The following ANKRD55 variants were observed in gnomAD, a reference collection of about 807,000 sequenced individuals.
ANKRD55 encodes the protein ankyrin repeat domain 55.
Under a neutral mutation model 60.6 loss-of-function variants are expected in ANKRD55, and 41 were observed. The ratio of observed to expected loss-of-function variants is 0.68; its 90% confidence interval spans 0.53 to 0.88. The LOEUF (loss-of-function observed/expected upper bound fraction) is 0.88. Ranked by LOEUF, ANKRD55 falls within the 40% of genes least tolerant of loss-of-function variation. The probability of loss-of-function intolerance (pLI) is 0.00; values close to 1 mark genes in which losing one functional copy is unlikely to be tolerated. For synonymous variants in ANKRD55, 264 were observed against 290.3 expected, an observed-to-expected ratio of 0.91 and a Z score of 0.92; for missense variants, 732 against 767.6, an observed-to-expected ratio of 0.95 and a Z score of 0.55.
At chr5:56,231,891 G>A (rs1414580580) in intron 2 of ANKRD55, among the ~76,000 whole-genome samples, 1 of 151,832 alleles carries the variant, frequency 6.6e-6, no homozygotes, top group Non-Finnish European at 1.5e-5. Flanking sequence ...GCAGGAAAAG[G>A]GAAAAAAGAA....
At position 56,193,255 on chromosome 5, in the gene ANKRD55, C is replaced by T. The variant is rs1581013052; in HGVS notation, c.59-9621G>A. Reference sequence around the variant, plus strand: ...AAAACAGACAAGTGTCACATAGTTCCTCCACTGAAGACTTAGCACTGGGGA... The same window carrying T: ...AAAACAGACAAGTGTCACATAGTTCTTCCACTGAAGACTTAGCACTGGGGA... On this transcript the variant is annotated intron_variant, in intron 2 of 11. Transcript: ENST00000341048. The T allele has an allele frequency of 3.4e-5, 37 of 1,080,244 alleles. No individual in the cohort carries two copies. In the East Asian group the frequency reaches 9.7e-4, roughly 28 times the overall value. 66.9% of individuals were successfully genotyped at this position (1,080,244 alleles called of 1,614,324 possible). A position where few individuals can be genotyped will look rare whatever the true frequency, so the allele number is the denominator to read the frequency against.
At chr5:56,171,770 A>G (rs1399643434) in intron 4 of ANKRD55, among the ~76,000 whole-genome samples, 1 of 152,216 alleles carries the variant, frequency 6.6e-6, no homozygotes, top group Non-Finnish European at 1.5e-5. Flanking sequence ...AAAATTATCC[A>G]GTAAAATGAG....
intron 8 of ANKRD55, among the ~76,000 whole-genome samples, chr5:56,121,523 C>T (rs13162507): frequency 6.6e-6 from 1 of 151,652 alleles, no homozygotes; most frequent in Non-Finnish European, 1.5e-5. Flanking sequence ...CAGGCGCCCG[C>T]CACCACACCC....
At chr5:56,131,052 A>C (rs1443644611) in intron 7 of ANKRD55, among the ~76,000 whole-genome samples, 1 of 152,240 alleles carries the variant, frequency 6.6e-6, no homozygotes, top group Non-Finnish European at 1.5e-5. Context: ...GAGAAAAAGG[A>C]ACAGGATAAA....
intron 2 of ANKRD55, among the ~76,000 whole-genome samples, chr5:56,229,462 T>C (rs376031510): frequency 2.7e-4 from 41 of 152,282 alleles, no homozygotes; most frequent in African/African-American, 8.7e-4. Flanking sequence ...GATCTGATCG[T>C]TGGGCCTTCC....
In ANKRD55 at chr5:56,170,554, C is replaced by T. The variant is rs1580998720; in HGVS notation, c.422+140G>A. 6 of 621,262 alleles carry T rather than the reference C, an allele frequency of 9.7e-6. No homozygotes were observed. The East Asian group carries it at 1.1e-4, about 11-fold the overall frequency. The allele number at this position is 621,262 out of a possible 1,614,324, so 38.5% of individuals were successfully genotyped here. A position where few individuals can be genotyped will look rare whatever the true frequency, so the allele number is the denominator to read the frequency against. On this transcript the variant is annotated intron_variant, in intron 5 of 11. Transcript: ENST00000341048. ...TATTCTAGAATATTTTGTTGTGGTC[C>T]TATCTGCTGCAACTTCAAAAAAAAA...
At chr5:56,213,896 T>C (rs543378673) in intron 2 of ANKRD55, among the ~76,000 whole-genome samples, 2 of 152,356 alleles carry the variant, frequency 1.3e-5, no homozygotes, top group South Asian at 4.1e-4. Flanking sequence ...TATTAGTCTG[T>C]TCTCATGTTG....
At chr5:56,185,255 G>A (rs1251617957) in intron 2 of ANKRD55, among the ~76,000 whole-genome samples, 2 of 152,114 alleles carry the variant, frequency 1.3e-5, no homozygotes, top group East Asian at 1.9e-4. Context: ...AGAACTGTGG[G>A]TCAAGTGGAG....
chr5:56,150,544 C>T (rs1758015422), intron 6 of ANKRD55, among the ~76,000 whole-genome samples: 1 of 151,978 alleles, frequency 6.6e-6, no homozygotes, highest in African/African-American at 2.4e-5. Flanking sequence ...GCAGAGGTTG[C>T]AGTGAACTGA....
intron 2 of ANKRD55, chr5:56,193,756 T>C (rs560943300): frequency 6.1e-6 from 1 of 163,224 alleles, no homozygotes; most frequent in African/African-American, 2.4e-5. Flanking sequence ...ACATTCCATA[T>C]AGAAATCTTT....
Position 56,127,123 on chromosome 5 carries a change from A to G in ANKRD55, c.613-17T>C. The G allele has an allele frequency of 1.3e-6, 2 of 1,590,020 alleles. No individual in the cohort carries two copies. The highest frequency in any genetic ancestry group is 1.7e-6 in the Non-Finnish European group (2 of 1,165,868). ...ATTTCCACTCTGGAAAAGAGAGTCA[A>G]AGAAAGCCCATTATGTACAATCCAG... On this transcript the variant is annotated splice_polypyrimidine_tract_variant and intron_variant, in intron 7 of 11. Coordinates refer to ENST00000341048, the MANE Select transcript of ANKRD55 (RefSeq NM_024669.3).
intron 2 of ANKRD55, among the ~76,000 whole-genome samples, chr5:56,205,064 C>CTT (rs144913758): frequency 0.078 from 11,807 of 151,160 alleles, 723 homozygotes; most frequent in African/African-American, 0.17. Flanking sequence ...TCTTTTCTTT[C>CTT]TTTTTTTTTC....
intron 7 of ANKRD55, among the ~76,000 whole-genome samples, chr5:56,135,356 T>TTTCTTTC (rs1554038530): frequency 0.13 from 7,084 of 53,366 alleles, 781 homozygotes; most frequent in South Asian, 0.17. Context: ...TCTTTCTTTC[T>TTTCTTTC]TTCTTTCTTT....
At chr5:56,106,573 G>A (rs1393618890) in intron 10 of ANKRD55, among the ~76,000 whole-genome samples, 1 of 151,726 alleles carries the variant, frequency 6.6e-6, no homozygotes, top group Admixed American at 6.6e-5. Flanking sequence ...ACAGGCGCCC[G>A]CCACCACACC....
At chr5:56,201,619 A>T (rs937836360) in intron 2 of ANKRD55, among the ~76,000 whole-genome samples, 2 of 152,184 alleles carry the variant, frequency 1.3e-5, no homozygotes, top group African/African-American at 4.8e-5. Flanking sequence ...CCAAATGGAT[A>T]AGAATAGTGC....
chr5:56,182,045 T>G (rs1458312064), intron 3 of ANKRD55, among the ~76,000 whole-genome samples: 1 of 152,240 alleles, frequency 6.6e-6, no homozygotes, highest in Non-Finnish European at 1.5e-5. Flanking sequence ...TAAACATAAC[T>G]GAAACGTGTT....
intron 7 of ANKRD55, among the ~76,000 whole-genome samples, chr5:56,136,491 A>T (rs970910158): frequency 1.3e-5 from 2 of 152,250 alleles, no homozygotes; most frequent in Non-Finnish European, 2.9e-5. Context: ...TAAAAGCAAT[A>T]CAATAAAGAA....
intron 6 of ANKRD55, among the ~76,000 whole-genome samples, chr5:56,157,700 T>A (rs1286749959): frequency 6.6e-6 from 1 of 152,136 alleles, no homozygotes; most frequent in Non-Finnish European, 1.5e-5. Context: ...AGACATTTGT[T>A]CACATGTTTT....
rs1267820315 is a variant in ANKRD55 at position 56,231,653 on chromosome 5, G to GCGCA, written c.58+1202_58+1203insTGCG. Among the ~76,000 whole-genome samples, 183 of 148,076 alleles carry GCGCA rather than the reference G, an allele frequency of 1.2e-3. 1 individual carries two copies. Among genetic ancestry groups the GCGCA allele is most frequent in the Middle Eastern group, 3.4e-3 (1 of 292 alleles). ...ATGAGCCGGCACGTTCTGAAGGCGCGCACACACACACACACACACACACAC... is the reference window on the plus strand; with the variant it reads ...ATGAGCCGGCACGTTCTGAAGGCGCGCGCACACACACACACACACACACACACAC... On this transcript the variant is annotated intron_variant, in intron 2 of 11. Coordinates refer to ENST00000341048, the MANE Select transcript of ANKRD55 (RefSeq NM_024669.3).
Sources: gnomAD v4.1 joint callset for allele counts (sites outside exome capture counted in the v4.1 genomes callset) on GRCh38, gnomAD v4.1.1 for gene constraint, MANE v1.5 for transcripts, NCBI Gene and HGNC (gene_info 2026-07-23, HGNC 2026-07-21) for gene names.